PACS1: variants seen among roughly 807,000 people sequenced by gnomAD.
PACS1 encodes the protein PACS-1.
A neutral mutation model predicts 115.0 loss-of-function variants in PACS1; 24 were observed. That is an observed-to-expected ratio of 0.21 (90% CI 0.15 to 0.29). PACS1 has a LOEUF of 0.29. PACS1 is among the 10% of genes least tolerant of loss of function. The pLI, the probability that PACS1 is intolerant of heterozygous loss-of-function variation, is 1.00. For synonymous variants in PACS1, 453 were observed against 504.5 expected, an observed-to-expected ratio of 0.90 and a Z score of 1.37; for missense variants, 838 against 1,251.2, an observed-to-expected ratio of 0.67 and a Z score of 4.98.
chr11:66,209,317 C>T (rs758860162), intron 2 of PACS1, among the ~76,000 whole-genome samples: 8 of 149,162 alleles, frequency 5.4e-5, no homozygotes, highest in Non-Finnish European at 1.2e-4. Context: ...GAGGCCAGCC[C>T]GGCCAACATG....
chr11:66,134,222 C>T (rs1278121384), intron 1 of PACS1, among the ~76,000 whole-genome samples: 1 of 136,034 alleles, frequency 7.4e-6, no homozygotes, highest in Non-Finnish European at 1.6e-5. Context: ...AACAGGGACT[C>T]GGTGATTAAA....
chr11:66,175,562 A>G (rs2134646574), intron 1 of PACS1, among the ~76,000 whole-genome samples: 1 of 152,146 alleles, frequency 6.6e-6, no homozygotes, highest in East Asian at 1.9e-4. Flanking sequence ...TTACACTTTC[A>G]CTGTCACTTT....
At chr11:66,132,786 A>G (rs552828064) in intron 1 of PACS1, among the ~76,000 whole-genome samples, 3 of 152,184 alleles carry the variant, frequency 2.0e-5, no homozygotes, top group African/African-American at 7.2e-5. Flanking sequence ...CTCATGCCTT[A>G]GTCTGCTGAT....
chr11:66,201,681 C>T (rs185320620), intron 2 of PACS1, among the ~76,000 whole-genome samples: 377 of 141,180 alleles, frequency 2.7e-3, no homozygotes, highest in African/African-American at 9.2e-3. Flanking sequence ...TTTTCTGAGA[C>T]GGAGTTTTAC....
intron 8 of PACS1, among the ~76,000 whole-genome samples, chr11:66,220,015 C>T (rs1012763076): frequency 6.6e-6 from 1 of 152,044 alleles, no homozygotes; most frequent in Non-Finnish European, 1.5e-5. Context: ...GCACACAACG[C>T]AGGGCAGCAC....
chr11:66,211,474 G>A (rs1040704585), intron 4 of PACS1, among the ~76,000 whole-genome samples: 1 of 152,076 alleles, frequency 6.6e-6, no homozygotes, highest in South Asian at 2.1e-4. Context: ...TTTTAAACAG[G>A]TAAAACTCAA....
chr11:66,107,171 A>G (rs1438418935), intron 1 of PACS1, among the ~76,000 whole-genome samples: 1 of 152,154 alleles, frequency 6.6e-6, no homozygotes, highest in Non-Finnish European at 1.5e-5. Flanking sequence ...CTGACCACCT[A>G]CTACTTCCTC....
At chr11:66,109,846 A>G (rs1858146616) in intron 1 of PACS1, among the ~76,000 whole-genome samples, 2 of 152,190 alleles carry the variant, frequency 1.3e-5, no homozygotes, top group South Asian at 4.1e-4. Context: ...GTTAGAGCCT[A>G]CTGTTTGCCA....
chr11:66,073,255 C>A (rs1222012221), intron 1 of PACS1, among the ~76,000 whole-genome samples: 1 of 152,212 alleles, frequency 6.6e-6, no homozygotes, highest in Admixed American at 6.5e-5. Flanking sequence ...TTAGAGTCAT[C>A]TGGTTAATTT....
At position 66,233,790 on chromosome 11, in the gene PACS1, AC is replaced by A; in HGVS notation, c.1845del (p.Cys616AlafsTer9). On this transcript the variant is annotated frameshift_variant, in exon 16 of 24. Coordinates refer to ENST00000320580, the MANE Select transcript of PACS1 (RefSeq NM_018026.4). LOFTEE classifies it high-confidence loss of function. This position sits in a 1 kb window ranked among gnomAD's most constrained non-coding sequence, Gnocchi z 4.5. The part of the protein sequence containing the change: ...ALLTRIQRYC[N>X]CNSSMPRPVK... The stretch of plus-strand genomic sequence containing the variant: ...ACGCTCCCCTTCCTCCCCAGCTGCA[AC>A]TGCAACTCTTCCATGCCGAGGCCAG... 1 of 1,613,638 alleles carries A rather than the reference AC, an allele frequency of 6.2e-7. No individual in the cohort carries two copies. The highest frequency in any genetic ancestry group is 8.5e-7 in the Non-Finnish European group (1 of 1,179,794).
intron 1 of PACS1, among the ~76,000 whole-genome samples, chr11:66,140,502 C>T (rs998251353): frequency 6.6e-6 from 1 of 152,178 alleles, no homozygotes; most frequent in South Asian, 2.1e-4. Context: ...CGTCACGGTG[C>T]ATGGCTGAGA....
At chr11:66,169,464 A>G (rs997843975) in intron 1 of PACS1, among the ~76,000 whole-genome samples, 2 of 149,978 alleles carry the variant, frequency 1.3e-5, no homozygotes, top group South Asian at 2.1e-4. Flanking sequence ...CAGTGGCTCA[A>G]TCTTGGCTCG....
chr11:66,236,050 T>G lies in PACS1; in HGVS notation c.2250+110T>G. The G allele has an allele frequency of 9.4e-7, 1 of 1,059,034 alleles. No individual in the cohort carries two copies. The highest frequency in any genetic ancestry group is 1.7e-5 in the Admixed American group (1 of 58,824). The allele number at this position is 1,059,034 out of a possible 1,614,324, so 65.6% of individuals were successfully genotyped here. ...TCTAGAACAGTGGTTCTCCAGACAC[T>G]GGAGATTTTGCCTCCAGGGACTACC... On this transcript the variant is annotated intron_variant, in intron 19 of 23. Coordinates refer to ENST00000320580, the MANE Select transcript of PACS1 (RefSeq NM_018026.4). This position sits in a 1 kb window ranked among gnomAD's most constrained non-coding sequence, Gnocchi z 4.2.
intron 2 of PACS1, among the ~76,000 whole-genome samples, chr11:66,204,879 C>T (rs1464854807): frequency 6.6e-6 from 1 of 152,084 alleles, no homozygotes; most frequent in East Asian, 1.9e-4. Flanking sequence ...TGGTGGCTCA[C>T]GCCTGTAATC....
intron 1 of PACS1, among the ~76,000 whole-genome samples, chr11:66,074,608 C>T (rs1565097108): frequency 6.6e-6 from 1 of 152,194 alleles, no homozygotes; most frequent in Non-Finnish European, 1.5e-5. Flanking sequence ...AAACCATATC[C>T]AAAGCCCATT....
In PACS1 at chr11:66,167,427, C is replaced by T. The variant is rs935830050; in HGVS notation, c.357-26059C>T. Among the ~76,000 whole-genome samples the T allele has an allele frequency of 1.5e-4, 22 of 147,620 alleles. 3 individuals are homozygous for T. Among genetic ancestry groups the T allele is most frequent in the African/African-American group, 5.3e-4 (20 of 37,824 alleles). On this transcript the variant is annotated intron_variant, in intron 1 of 23. Coordinates refer to ENST00000320580, the MANE Select transcript of PACS1 (RefSeq NM_018026.4). Reference sequence around the variant, plus strand: ...CACTGCAACCTCGAACTTGAACTCCCGGCCTCAACTGATCCTCCCACCTCT... The same window carrying T: ...CACTGCAACCTCGAACTTGAACTCCTGGCCTCAACTGATCCTCCCACCTCT...
intron 1 of PACS1, among the ~76,000 whole-genome samples, chr11:66,111,741 C>G (rs1029442735): frequency 1.3e-5 from 2 of 152,164 alleles, no homozygotes; most frequent in African/African-American, 4.8e-5. Context: ...CCTCCACCTC[C>G]CGGGTTCAAG....
chr11:66,134,724 C>T (rs1858803567), intron 1 of PACS1, among the ~76,000 whole-genome samples: 1 of 151,938 alleles, frequency 6.6e-6, no homozygotes, highest in Non-Finnish European at 1.5e-5. Flanking sequence ...GATGGTGCCC[C>T]CTGATGGCCA....
chr11:66,136,613 G>A lies in PACS1; in HGVS notation c.357-56873G>A, dbSNP rs937498660. Among the ~76,000 whole-genome samples, 4 of 152,074 alleles carry A rather than the reference G, an allele frequency of 2.6e-5. 1 individual carries two copies. The highest frequency in any genetic ancestry group is 4.1e-4 in the South Asian group (2 of 4,822). ...AGGGTTTTAAGCACCCTCAGTAATCGTGCAGTTTAGTTTCCCATCTCATGC... is the reference window on the plus strand; with the variant it reads ...AGGGTTTTAAGCACCCTCAGTAATCATGCAGTTTAGTTTCCCATCTCATGC... On this transcript the variant is annotated intron_variant, in intron 1 of 23. Transcript: ENST00000320580.
Sources: gnomAD v4.1 joint callset for allele counts (sites outside exome capture counted in the v4.1 genomes callset) on GRCh38, gnomAD v4.1.1 for gene constraint, Gnocchi (gnomAD v3.1) non-coding constraint, MANE v1.5 for transcripts, NCBI Gene and HGNC (gene_info 2026-07-23, HGNC 2026-07-21) for gene names.